ATAD1: variants seen among roughly 807,000 people sequenced by gnomAD.
ATAD1 encodes the protein ATPase family AAA domain containing 1, also known as outer mitochondrial transmembrane helix translocase.
In ATAD1, 18 loss-of-function variants were observed where a neutral mutation model predicts 42.7. The observed-to-expected ratio is 0.42, with a 90% confidence interval of 0.29 to 0.63. ATAD1 has a LOEUF of 0.63. ATAD1 is among the 20% of genes least tolerant of loss of function. The probability of loss-of-function intolerance (pLI) is 0.19; values close to 1 mark genes in which losing one functional copy is unlikely to be tolerated. For missense variants in ATAD1, 294 were observed against 440.4 expected, an observed-to-expected ratio of 0.67 and a Z score of 2.98; for synonymous variants, 132 against 143.1, an observed-to-expected ratio of 0.92 and a Z score of 0.55.
intron 5 of ATAD1, among the ~76,000 whole-genome samples, chr10:87,779,229 C>G (rs1383993888): frequency 1.3e-5 from 2 of 152,164 alleles, no homozygotes. Flanking sequence ...ATCCAGGAGA[C>G]AGAGGTTGCA....
upstream of ATAD1, among the ~76,000 whole-genome samples, chr10:87,822,069 C>G (rs1291955584): frequency 6.6e-6 from 1 of 152,194 alleles, no homozygotes; most frequent in Admixed American, 6.5e-5. Flanking sequence ...GAAGGAAAAA[C>G]AAATCTGAAA....
At chr10:87,823,939 A>G (rs1223701602) in intron 1 of ATAD1, among the ~76,000 whole-genome samples, 1 of 152,238 alleles carries the variant, frequency 6.6e-6, no homozygotes, top group Non-Finnish European at 1.5e-5. Context: ...CATATGTGAA[A>G]CTAAAATGAA....
At chr10:87,810,438 G>A (rs1857127199) in intron 2 of ATAD1, among the ~76,000 whole-genome samples, 1 of 151,702 alleles carries the variant, frequency 6.6e-6, no homozygotes, top group Admixed American at 6.6e-5. Flanking sequence ...ACAATTATTA[G>A]GTGTTAAAAG....
chr10:87,834,344 G>A (rs950400357), intron 1 of ATAD1, among the ~76,000 whole-genome samples: 3 of 152,090 alleles, frequency 2.0e-5, no homozygotes, highest in African/African-American at 7.2e-5. Context: ...TTTCTGGAAA[G>A]AATTTGTGTA....
rs562371309 is a variant in ATAD1 at position 87,797,381 on chromosome 10, TA to T, written c.163-4627del. ...TGGTTTCTGTGTTTGCTTACTGTCTTAAAAAAACAAATGTTCTTTCATTTAC... is the reference window on the plus strand; with the variant it reads ...TGGTTTCTGTGTTTGCTTACTGTCTTAAAAAACAAATGTTCTTTCATTTAC... On this transcript the variant is annotated intron_variant, in intron 2 of 9. Coordinates refer to ENST00000680024, the MANE Select transcript of ATAD1 (RefSeq NM_001321967.2). Among the ~76,000 whole-genome samples, 214 of 152,296 alleles carry T rather than the reference TA, an allele frequency of 1.4e-3. 1 individual carries two copies. Among genetic ancestry groups the T allele is most frequent in the African/African-American group, 4.9e-3 (204 of 41,562 alleles).
chr10:87,773,568 G>A (rs2131827486), intron 6 of ATAD1, among the ~76,000 whole-genome samples: 1 of 152,240 alleles, frequency 6.6e-6, no homozygotes, highest in South Asian at 2.1e-4. Context: ...AGGTTAAAAA[G>A]TGACCGCAGT....
intron 1 of ATAD1, among the ~76,000 whole-genome samples, chr10:87,827,496 T>A (rs1010072514): frequency 2.6e-5 from 4 of 152,234 alleles, no homozygotes; most frequent in African/African-American, 9.6e-5. Flanking sequence ...ATGTACTCAC[T>A]TTGTGTCTCT....
chr10:87,792,801 T>A (rs776462080), intron 2 of ATAD1, 46 bp from the exon 3 acceptor site: 1 of 1,376,112 alleles, frequency 7.3e-7, no homozygotes, highest in Admixed American at 1.7e-5. Context: ...GATATTTAGA[T>A]ACTGGCACTT....
At chr10:87,805,730 G>A (rs1311852980) in intron 2 of ATAD1, among the ~76,000 whole-genome samples, 1 of 150,586 alleles carries the variant, frequency 6.6e-6, no homozygotes, top group Non-Finnish European at 1.5e-5. Flanking sequence ...TATCCTTTTA[G>A]GCAGCCCCTC....
At chr10:87,771,607 G>A (rs1281457470) in intron 6 of ATAD1, among the ~76,000 whole-genome samples, 4 of 152,004 alleles carry the variant, frequency 2.6e-5, no homozygotes, top group African/African-American at 7.2e-5. Flanking sequence ...TTCTCAATGC[G>A]AAATAAAGTC....
chr10:87,799,157 A>T (rs920974136), intron 2 of ATAD1, among the ~76,000 whole-genome samples: 3 of 152,198 alleles, frequency 2.0e-5, no homozygotes, highest in African/African-American at 7.2e-5. Context: ...AATATTAGAA[A>T]TATCTTAAGA....
chr10:87,784,732 T>A, intron 4 of ATAD1, 62 bp from the exon 5 acceptor site: 3 of 1,459,186 alleles, frequency 2.1e-6, no homozygotes, highest in Non-Finnish European at 1.9e-6. Flanking sequence ...TATATGATAA[T>A]CAATAGAATA....
chr10:87,835,072 A>G (rs1190493997), intron 1 of ATAD1, among the ~76,000 whole-genome samples: 1 of 151,784 alleles, frequency 6.6e-6, no homozygotes, highest in African/African-American at 2.4e-5. Flanking sequence ...TTTTACTTTT[A>G]TTTATTTCTA....
At chr10:87,785,019 T>C (rs1009668471) in intron 4 of ATAD1, among the ~76,000 whole-genome samples, 7 of 152,210 alleles carry the variant, frequency 4.6e-5, no homozygotes, top group Admixed American at 2.6e-4. Context: ...CAATGCACCA[T>C]AGTGCTTTGA....
At chr10:87,819,876 G>T (rs1222590066), upstream of ATAD1, among the ~76,000 whole-genome samples, 1 of 152,126 alleles carries the variant, frequency 6.6e-6, no homozygotes, top group Non-Finnish European at 1.5e-5. Context: ...ATGCATGAAT[G>T]TTGAAAACTA....
chr10:87,827,514 T>G (rs1317113607), intron 1 of ATAD1, among the ~76,000 whole-genome samples: 2 of 152,246 alleles, frequency 1.3e-5, no homozygotes, highest in African/African-American at 2.4e-5. Context: ...TCTGTCTCAT[T>G]TTGGTAATTC....
At chr10:87,754,942 A>C (rs768732757) in intron 9 of ATAD1, 135 bp from the exon 10 acceptor site, 154 of 1,056,162 alleles carry the variant, frequency 1.5e-4, no homozygotes, top group Non-Finnish European at 1.8e-4. Context: ...AGGGTATAAA[A>C]ATGAAATCTC....
At chr10:87,789,962 A>T (rs2131918790) in intron 4 of ATAD1, among the ~76,000 whole-genome samples, 1 of 152,318 alleles carries the variant, frequency 6.6e-6, no homozygotes, top group Non-Finnish European at 1.5e-5. Context: ...CTGTGAAACA[A>T]GAAAAAAATG....
chr10:87,786,749 G>A (rs921989440), intron 4 of ATAD1, among the ~76,000 whole-genome samples: 3 of 152,186 alleles, frequency 2.0e-5, no homozygotes, highest in African/African-American at 7.2e-5. Context: ...GAGGTGAGGA[G>A]ATCGAGACCA....
Sources: gnomAD v4.1 joint callset for allele counts (sites outside exome capture counted in the v4.1 genomes callset) on GRCh38, gnomAD v4.1.1 for gene constraint, MANE v1.5 for transcripts, NCBI Gene and HGNC (gene_info 2026-07-23, HGNC 2026-07-21) for gene names.